The following RPS6KC1 variants were observed in gnomAD, a reference collection of about 807,000 sequenced individuals.
RPS6KC1 encodes the protein ribosomal protein S6 kinase C1.
A neutral mutation model predicts 103.8 loss-of-function variants in RPS6KC1; 54 were observed. The observed-to-expected ratio is 0.52, with a 90% CI of 0.42 to 0.65. The LOEUF (loss-of-function observed/expected upper bound fraction) is 0.65. Ranked by LOEUF, RPS6KC1 falls within the 30% of genes least tolerant of loss-of-function variation. The pLI, the probability that RPS6KC1 is intolerant of heterozygous loss-of-function variation, is 0.00. For missense variants in RPS6KC1, 1,151 were observed against 1,253.8 expected, an observed-to-expected ratio of 0.92 and a Z score of 1.24; for synonymous variants, 439 against 438.7, an observed-to-expected ratio of 1.00 and a Z score of -0.01.
At chr1:213,583,358 C>T in the RPS6KC1 span, among the ~76,000 whole-genome samples, 6 of 152,118 alleles carry the variant, frequency 3.9e-5, no homozygotes, top group Non-Finnish European at 8.8e-5. Context: ...GTGGTTGAAC[C>T]ATTTCCTATT....
At chr1:213,237,256 G>A (rs1345371442) in intron 10 of RPS6KC1, among the ~76,000 whole-genome samples, 1 of 152,024 alleles carries the variant, frequency 6.6e-6, no homozygotes, top group Admixed American at 6.6e-5. Flanking sequence ...GAATGTAAAT[G>A]CTGGCTCACC....
the RPS6KC1 span, among the ~76,000 whole-genome samples, chr1:213,711,396 G>C: frequency 5.3e-5 from 8 of 152,056 alleles, no homozygotes; most frequent in Non-Finnish European, 8.8e-5. Flanking sequence ...GCTCATTCTA[G>C]TTAGCAATTC....
At chr1:213,633,725 A>G in the RPS6KC1 span, among the ~76,000 whole-genome samples, 1 of 151,810 alleles carries the variant, frequency 6.6e-6, no homozygotes, top group African/African-American at 2.4e-5. Context: ...AGTGGGCTAA[A>G]TGGCCCAATT....
At chr1:213,846,285 G>A in the RPS6KC1 span, among the ~76,000 whole-genome samples, 1 of 151,928 alleles carries the variant, frequency 6.6e-6, no homozygotes, top group East Asian at 1.9e-4. Context: ...GGGTGACAGA[G>A]CGAGACTCCA....
the RPS6KC1 span, among the ~76,000 whole-genome samples, chr1:213,776,361 G>T: frequency 6.6e-6 from 1 of 151,702 alleles, no homozygotes; most frequent in Non-Finnish European, 1.5e-5. Context: ...TTGATCTATG[G>T]GCTGCAGAAT....
the RPS6KC1 span, among the ~76,000 whole-genome samples, chr1:213,320,989 G>A: frequency 1.1e-3 from 168 of 152,324 alleles, no homozygotes; most frequent in African/African-American, 3.4e-3. Flanking sequence ...GGACCTGGGG[G>A]CTTTGGACAA....
the RPS6KC1 span, among the ~76,000 whole-genome samples, chr1:213,577,487 T>G: frequency 6.6e-6 from 1 of 152,072 alleles, no homozygotes; most frequent in African/African-American, 2.4e-5. Flanking sequence ...CAGGCAGAGG[T>G]TGGAACAGTT....
the RPS6KC1 span, among the ~76,000 whole-genome samples, chr1:213,561,148 G>T: frequency 6.6e-6 from 1 of 152,152 alleles, no homozygotes; most frequent in African/African-American, 2.4e-5. Flanking sequence ...GTCTACTCGG[G>T]TATTATCTGC....
chr1:213,312,405 C>T, the RPS6KC1 span, among the ~76,000 whole-genome samples: 1 of 152,184 alleles, frequency 6.6e-6, no homozygotes, highest in Non-Finnish European at 1.5e-5. Context: ...AGCAAGACAA[C>T]TCAGTTTGGT....
chr1:213,859,331 G>T, the RPS6KC1 span, among the ~76,000 whole-genome samples: 1 of 152,160 alleles, frequency 6.6e-6, no homozygotes, highest in Non-Finnish European at 1.5e-5. Context: ...TTTAGCAAAA[G>T]CATTATTAAC....
At chr1:213,294,212 G>T in the RPS6KC1 span, among the ~76,000 whole-genome samples, 1 of 152,224 alleles carries the variant, frequency 6.6e-6, no homozygotes, top group Non-Finnish European at 1.5e-5. Context: ...GTTGATCAAA[G>T]ATGGTTCTCA....
intron 7 of RPS6KC1, among the ~76,000 whole-genome samples, chr1:213,172,908 A>T (rs370084640): frequency 6.6e-6 from 1 of 152,204 alleles, no homozygotes; most frequent in South Asian, 2.1e-4. Context: ...TTACTTTTCC[A>T]TCAAGGAACT....
chr1:213,334,473 A>G, the RPS6KC1 span, among the ~76,000 whole-genome samples: 1 of 152,232 alleles, frequency 6.6e-6, no homozygotes, highest in African/African-American at 2.4e-5. Context: ...ATGTATCAGC[A>G]ACTCAGCTTT....
the RPS6KC1 span, among the ~76,000 whole-genome samples, chr1:213,310,301 G>T: frequency 2.0e-5 from 3 of 152,304 alleles, no homozygotes; most frequent in South Asian, 4.2e-4. Flanking sequence ...CCTCACAGAG[G>T]TTATAAAGTC....
At chr1:213,424,005 A>G in the RPS6KC1 span, among the ~76,000 whole-genome samples, 1 of 152,218 alleles carries the variant, frequency 6.6e-6, no homozygotes. Context: ...ATTGTCAGGG[A>G]TACATGCAAA....
At chr1:213,603,226 C>T in the RPS6KC1 span, among the ~76,000 whole-genome samples, 1 of 152,234 alleles carries the variant, frequency 6.6e-6, no homozygotes, top group East Asian at 1.9e-4. Flanking sequence ...AGCAGGGCTG[C>T]TGGCCCCAGA....
the RPS6KC1 span, among the ~76,000 whole-genome samples, chr1:213,857,929 C>T: frequency 6.6e-6 from 1 of 152,146 alleles, no homozygotes; most frequent in Non-Finnish European, 1.5e-5. Flanking sequence ...CTTCTCATGC[C>T]AAATAGGAGA....
At chr1:213,668,970 G>A in the RPS6KC1 span, among the ~76,000 whole-genome samples, 1 of 152,158 alleles carries the variant, frequency 6.6e-6, no homozygotes, top group African/African-American at 2.4e-5. Flanking sequence ...GGCTTGTTCT[G>A]TATTTGCCTT....
At chr1:213,311,890 G>T in the RPS6KC1 span, among the ~76,000 whole-genome samples, 4 of 149,670 alleles carry the variant, frequency 2.7e-5, no homozygotes, top group African/African-American at 9.8e-5. Flanking sequence ...GCCTCAGGAG[G>T]ATCTTTTTTT....
Sources: allele counts gnomAD v4.1 joint callset (sites outside exome capture counted in the v4.1 genomes callset), GRCh38; gene constraint gnomAD v4.1.1; transcripts MANE v1.5; gene names NCBI Gene and HGNC (gene_info 2026-07-23, HGNC 2026-07-21).